MRAP2: variants seen among roughly 807,000 people sequenced by gnomAD.
MRAP2 encodes the protein melanocortin-2 receptor accessory protein 2.
In MRAP2, 20 loss-of-function variants were observed where a neutral mutation model predicts 17.4. The ratio of observed to expected loss-of-function variants is 1.15; its 90% CI spans 0.81 to 1.67. MRAP2 has a LOEUF of 1.67. Ranked by LOEUF, MRAP2 falls within the 40% of genes most tolerant of loss-of-function variation. MRAP2 has a pLI of 0.00. For missense variants in MRAP2, 238 were observed against 240.0 expected (o/e 0.99, Z 0.05); for synonymous variants, 96 against 88.4 (o/e 1.09, Z -0.48).
chr6:84,126,252 A>G, the MRAP2 span: 2 of 570,510 alleles, frequency 3.5e-6, 1 homozygote, highest in Non-Finnish European at 5.3e-6. Flanking sequence ...TTAAATTTTT[A>G]ACAAGATCAA....
chr6:84,104,439 C>T, the MRAP2 span, among the ~76,000 whole-genome samples: 1 of 152,234 alleles, frequency 6.6e-6, no homozygotes, highest in South Asian at 2.1e-4. Flanking sequence ...TGAATTTCTC[C>T]TCAGAAAATG....
At chr6:84,133,334 T>C in the MRAP2 span, among the ~76,000 whole-genome samples, 1 of 152,114 alleles carries the variant, frequency 6.6e-6, no homozygotes, top group Non-Finnish European at 1.5e-5. Context: ...AGGCAGTCTG[T>C]CTGTTCTCAG....
rs781028281 is a variant in MRAP2 at position 84,048,677 on chromosome 6, GT to G, written c.-7-6634del. 1.4e-4 allele frequency among the ~76,000 whole-genome samples: 22 copies of G among 152,330 alleles called. No individual in the cohort carries two copies. The East Asian group carries it at 4.1e-3, about 28-fold the overall frequency. ...AGTCTAACACGTTGACACACATGTA[GT>G]GGGATGGAGCATTAGGGTCCTGTTT... On this transcript the variant is annotated intron_variant, in intron 1 of 3. Coordinates refer to ENST00000257776, the MANE Select transcript of MRAP2 (RefSeq NM_138409.4).
rs77732070 is a variant in MRAP2, at chr6:84,086,636, G to A, written c.228-2455G>A. Among the ~76,000 whole-genome samples, 1,516 of 152,258 alleles carry A rather than the reference G, an allele frequency of 1.0e-2. 28 individuals carry two copies. The highest frequency in any genetic ancestry group is 0.035 in the African/African-American group (1,440 of 41,536). On this transcript the variant is annotated intron_variant, in intron 3 of 3. Coordinates refer to ENST00000257776, the MANE Select transcript of MRAP2 (RefSeq NM_138409.4). ...GAACTTTTTGCTCTTCTCAGGAAGG[G>A]AGAATCAGACACATCATACTGTTGC...
At chr6:84,118,349 G>A in the MRAP2 span, among the ~76,000 whole-genome samples, 1 of 151,710 alleles carries the variant, frequency 6.6e-6, no homozygotes, top group African/African-American at 2.4e-5. Context: ...GCTGAACAGC[G>A]CAGTCGTCCA....
chr6:84,138,548 A>G, the MRAP2 span, among the ~76,000 whole-genome samples: 1 of 152,184 alleles, frequency 6.6e-6, no homozygotes, highest in African/African-American at 2.4e-5. Context: ...TCCATATTAA[A>G]AGGTAGGTAT....
the MRAP2 span, among the ~76,000 whole-genome samples, chr6:84,117,029 T>C: frequency 6.6e-6 from 1 of 152,002 alleles, no homozygotes; most frequent in African/African-American, 2.4e-5. Context: ...TCTTTCTTTC[T>C]ATTTTTTTCA....
the MRAP2 span, among the ~76,000 whole-genome samples, chr6:84,103,509 A>G: frequency 1.3e-5 from 2 of 152,210 alleles, no homozygotes; most frequent in African/African-American, 4.8e-5. Context: ...TTGCAAAGGT[A>G]TGATTCCTTA....
At chr6:84,116,618 C>T in the MRAP2 span, among the ~76,000 whole-genome samples, 4 of 152,110 alleles carry the variant, frequency 2.6e-5, no homozygotes, top group Admixed American at 1.3e-4. Flanking sequence ...ATGATATTGA[C>T]TTTGGGTTTG....
In MRAP2 at chr6:84,062,886, C is replaced by G. The variant is rs769934394; in HGVS notation, c.128-7C>G. 1.2e-6 allele frequency: 2 copies of G among 1,614,118 alleles called. No homozygotes were observed. Among genetic ancestry groups the G allele is most frequent in the Admixed American group, 3.3e-5 (2 of 60,024 alleles). ...AAATACTAATCCCAGAATTAACTGT[C>G]TTTCAGATTCCATTGTGATTGGATT... On this transcript the variant is annotated splice_polypyrimidine_tract_variant and splice_region_variant and intron_variant, in intron 2 of 3. Coordinates refer to ENST00000257776, the MANE Select transcript of MRAP2 (RefSeq NM_138409.4).
the MRAP2 span, among the ~76,000 whole-genome samples, chr6:84,119,376 TATTC>T: frequency 2.0e-5 from 3 of 152,220 alleles, no homozygotes; most frequent in Admixed American, 6.5e-5. Context: ...GTTGTGCAAT[TATTC>T]AACACTCCCA....
chr6:84,132,811 G>C, the MRAP2 span, among the ~76,000 whole-genome samples: 1 of 152,044 alleles, frequency 6.6e-6, no homozygotes, highest in African/African-American at 2.4e-5. Flanking sequence ...CCTCGGAGAA[G>C]TTTGTTATTA....
At chr6:84,125,277 C>T in the MRAP2 span, 2 of 1,612,526 alleles carry the variant, frequency 1.2e-6, no homozygotes, top group Non-Finnish European at 8.5e-7. Context: ...GCTGTATTAT[C>T]TGCAAATACA....
chr6:84,108,559 T>C, the MRAP2 span, among the ~76,000 whole-genome samples: 2 of 152,182 alleles, frequency 1.3e-5, no homozygotes, highest in Admixed American at 6.6e-5. Flanking sequence ...TTTAAGTTCC[T>C]TATAGATGCT....
chr6:84,057,790 A>G (rs1384239022), intron 2 of MRAP2, among the ~76,000 whole-genome samples: 2 of 152,226 alleles, frequency 1.3e-5, no homozygotes, highest in East Asian at 3.8e-4. Flanking sequence ...AGATGGCAAT[A>G]TAAAAGGATA....
chr6:84,064,588 CG>C (rs1425535949), intron 3 of MRAP2, among the ~76,000 whole-genome samples: 4 of 152,094 alleles, frequency 2.6e-5, no homozygotes, highest in Non-Finnish European at 5.9e-5. Flanking sequence ...CCCGGGTTCA[CG>C]CCATTCTCCT....
At chr6:84,069,449 G>A (rs2099495635) in intron 3 of MRAP2, among the ~76,000 whole-genome samples, 1 of 152,116 alleles carries the variant, frequency 6.6e-6, no homozygotes, top group African/African-American at 2.4e-5. Context: ...AAACCCACTT[G>A]ATCATGGTGG....
At chr6:84,058,188 C>T (rs978540419) in intron 2 of MRAP2, among the ~76,000 whole-genome samples, 4 of 152,124 alleles carry the variant, frequency 2.6e-5, no homozygotes, top group African/African-American at 4.8e-5. Flanking sequence ...TCTGCAACTG[C>T]GGAGTGAAAG....
In MRAP2 at chr6:84,068,784, C is replaced by CTTTT. The variant is rs34220070; in HGVS notation, c.227+5813_227+5816dup. On this transcript the variant is annotated intron_variant, in intron 3 of 3. Coordinates refer to ENST00000257776, the MANE Select transcript of MRAP2 (RefSeq NM_138409.4). ...TAGTGTCTGGAAAGTTTGCTGAATT[C>CTTTT]TTTTTTTTTTTTTTTTTTTTTTTTG... Among the ~76,000 whole-genome samples the CTTTT allele has an allele frequency of 9.4e-4, 52 of 55,194 alleles. 1 individual carries two copies. The highest frequency in any genetic ancestry group is 3.0e-3 in the African/African-American group (37 of 12,354). 36.2% of individuals were successfully genotyped at this position (55,194 alleles called of 152,430 possible). A position where few individuals can be genotyped will look rare whatever the true frequency, so the allele number is the denominator to read the frequency against.
Sources: gnomAD v4.1 joint callset for allele counts (sites outside exome capture counted in the v4.1 genomes callset) on GRCh38, gnomAD v4.1.1 for gene constraint, MANE v1.5 for transcripts, NCBI Gene and HGNC (gene_info 2026-07-23, HGNC 2026-07-21) for gene names.